Variants in CASQ2 observed in about 807,000 individuals in gnomAD.
The protein encoded by CASQ2 is calsequestrin-2.
A neutral mutation model predicts 46.5 loss-of-function variants in CASQ2; 49 were observed. That is an observed-to-expected ratio of 1.05 (90% CI 0.84 to 1.34). CASQ2 has a LOEUF of 1.34. Among genes scored for constraint, CASQ2 ranks in the 40% most tolerant of loss-of-function variants. The pLI is 0.00. For missense variants in CASQ2, 486 were observed against 481.3 expected, an observed-to-expected ratio of 1.01 and a Z score of -0.09; for synonymous variants, 174 against 168.5, an observed-to-expected ratio of 1.03 and a Z score of -0.25.
In CASQ2 at chr1:115,750,005, T is replaced by C. The variant is rs190730982; in HGVS notation, c.235-5093A>G. On this transcript the variant is annotated intron_variant, in intron 1 of 10. Transcript: ENST00000261448. ...TTAGAGTTGTGTATAGTCTCTACAT[T>C]GTGACTCTTTCCTCCATAAGAAGAA... Among the ~76,000 whole-genome samples the C allele has an allele frequency of 1.2e-4, 19 of 152,324 alleles. No homozygotes were observed. In the East Asian group the frequency reaches 3.7e-3, roughly 29 times the overall value.
Position 115,738,288 on chromosome 1 carries a change from T to C in CASQ2, c.468A>G (p.Gln156=). ...VEIISSKLEV[Q]AFERIEDYIK... ...TGTAGTCTTCAATGCGTTCGAAGGC[T>C]TGGACTTCCAGTTTGCTGCTGATGA... is the stretch of plus-strand genomic sequence containing the variant. Residue 156 remains glutamine (Q), a synonymous_variant, in exon 4 of 11, where the codon CAA becomes CAG. Coordinates refer to ENST00000261448, the MANE Select transcript of CASQ2 (RefSeq NM_001232.4). 1.2e-6 allele frequency: 2 copies of C among 1,614,026 alleles called. No homozygotes were observed. The highest frequency in any genetic ancestry group is 1.7e-6 in the Non-Finnish European group (2 of 1,179,832).
At chr1:115,720,311 C>T (rs1020828477) in intron 7 of CASQ2, among the ~76,000 whole-genome samples, 1 of 152,148 alleles carries the variant, frequency 6.6e-6, no homozygotes, top group Non-Finnish European at 1.5e-5. Context: ...CCTGCTGTGT[C>T]CTCACGGTGG....
intron 8 of CASQ2, among the ~76,000 whole-genome samples, chr1:115,708,172 G>A (rs779738079): frequency 2.0e-5 from 3 of 152,196 alleles, no homozygotes; most frequent in East Asian, 1.9e-4. Context: ...TTTTGTAAAC[G>A]AGTGAAGTCA....
rs1183037308 is a variant in CASQ2 at position 115,700,961 on chromosome 1, C to T, written c.*280G>A. On this transcript the variant is annotated 3_prime_UTR_variant, in exon 11 of 11. Transcript: ENST00000261448. The stretch of plus-strand genomic sequence containing the variant: ...CTGCCATGTTCAGGCACTGCCATGA[C>T]CCTTGATGGTCCAGCAAAGAACAAG... The T allele has an allele frequency of 6.5e-6, 4 of 611,872 alleles. No homozygotes were observed. Among genetic ancestry groups the T allele is most frequent in the Non-Finnish European group, 1.2e-5 (4 of 343,710 alleles). 37.9% of individuals were successfully genotyped at this position (611,872 alleles called of 1,614,324 possible). A position where few individuals can be genotyped will look rare whatever the true frequency, so the allele number is the denominator to read the frequency against.
chr1:115,708,876 G>T (rs549505162), intron 8 of CASQ2, among the ~76,000 whole-genome samples: 1 of 152,204 alleles, frequency 6.6e-6, no homozygotes, highest in South Asian at 2.1e-4. Context: ...TGTACAGCGT[G>T]GGGCAGCTCC....
intron 9 of CASQ2, 147 bp from the exon 10 acceptor site, chr1:115,703,142 C>T (rs1295391331): frequency 1.9e-5 from 13 of 698,858 alleles, no homozygotes; most frequent in African/African-American, 7.0e-5. Context: ...GAAGACTTGG[C>T]CCCAGCCTTC....
chr1:115,709,709 C>T (rs1428756994), intron 8 of CASQ2, among the ~76,000 whole-genome samples: 1 of 152,218 alleles, frequency 6.6e-6, no homozygotes, highest in Non-Finnish European at 1.5e-5. Flanking sequence ...GACCGTTTGA[C>T]CTTGCTAAAA....
intron 10 of CASQ2, among the ~76,000 whole-genome samples, chr1:115,702,332 T>G (rs891031939): frequency 6.6e-6 from 1 of 152,084 alleles, no homozygotes; most frequent in Non-Finnish European, 1.5e-5. Flanking sequence ...CCCACTTGAG[T>G]TTTATGATGG....
intron 5 of CASQ2, 102 bp from the exon 6 acceptor site, chr1:115,727,224 T>C: frequency 1.1e-6 from 1 of 891,722 alleles, no homozygotes; most frequent in Non-Finnish European, 1.8e-6. Flanking sequence ...GGCAAAGACA[T>C]AAAAACAGAT....
chr1:115,718,793 C>G lies in CASQ2; in HGVS notation c.784-899G>C, dbSNP rs140026002. On this transcript the variant is annotated intron_variant, in intron 7 of 10. Coordinates refer to ENST00000261448, the MANE Select transcript of CASQ2 (RefSeq NM_001232.4). ...CTCTACACCCTGGGCAGCAAGGACC[C>G]TATGCCTTGTGTCTCCTTTGCAATG... Among the ~76,000 whole-genome samples the G allele has an allele frequency of 5.8e-3, 887 of 152,288 alleles. 12 individuals are homozygous for G. Among genetic ancestry groups the G allele is most frequent in the African/African-American group, 0.02 (841 of 41,552 alleles).
rs376871374 is a variant in CASQ2 at position 115,740,846 on chromosome 1, G to T, written c.320-18C>A. ...ATCAAAACCTGTAAGAAACAAAGAG[G>T]CCCACAGAGAAGGTCATCCTGACGT... On this transcript the variant is annotated intron_variant, in intron 2 of 10. Coordinates refer to ENST00000261448, the MANE Select transcript of CASQ2 (RefSeq NM_001232.4). The T allele has an allele frequency of 1.3e-6, 2 of 1,529,168 alleles. No homozygotes were observed. Among genetic ancestry groups the T allele is most frequent in the Non-Finnish European group, 1.8e-6 (2 of 1,103,128 alleles). The allele number at this position is 1,529,168 out of a possible 1,614,324, so 94.7% of individuals were successfully genotyped here.
intron 1 of CASQ2, among the ~76,000 whole-genome samples, chr1:115,761,852 C>A (rs1648975768): frequency 6.6e-6 from 1 of 152,078 alleles, no homozygotes; most frequent in South Asian, 2.1e-4. Flanking sequence ...CATGAGTCAT[C>A]CTCTAAATAT....
intron 10 of CASQ2, 37 bp downstream of exon 10, chr1:115,702,883 CA>C: frequency 6.6e-7 from 1 of 1,506,484 alleles, no homozygotes; most frequent in Non-Finnish European, 9.2e-7. Context: ...CAGGGCAGGC[CA>C]AGGGTGCCTG....
chr1:115,739,921 T>A (rs183241121), intron 3 of CASQ2, among the ~76,000 whole-genome samples: 68 of 152,288 alleles, frequency 4.5e-4, no homozygotes, highest in Admixed American at 9.2e-4. Context: ...CCCTCTCAAC[T>A]TTTTTAGGGC....
At position 115,729,453 on chromosome 1, in the gene CASQ2, G is replaced by A. The variant is rs372650090; in HGVS notation, c.607-2331C>T. On this transcript the variant is annotated intron_variant, in intron 5 of 10. Transcript: ENST00000261448. The stretch of plus-strand genomic sequence containing the variant: ...TTCATTTATTCAGTAAGTATTTAGT[G>A]GGGCCTACTGAACCCAAGGCATTAT... 9.9e-5 allele frequency among the ~76,000 whole-genome samples: 15 copies of A among 152,276 alleles called. No individual in the cohort carries two copies. The East Asian group carries it at 2.9e-3, about 29-fold the overall frequency.
chr1:115,741,680 G>C (rs1193054404), intron 2 of CASQ2, among the ~76,000 whole-genome samples: 5 of 152,190 alleles, frequency 3.3e-5, no homozygotes, highest in Admixed American at 1.3e-4. Context: ...GCTGGTAGAT[G>C]CTGCAAGGAC....
At chr1:115,758,146 G>A (rs1648824281) in intron 1 of CASQ2, among the ~76,000 whole-genome samples, 1 of 152,192 alleles carries the variant, frequency 6.6e-6, no homozygotes, top group Admixed American at 6.5e-5. Context: ...CATACTGGAA[G>A]GGACATGTCA....
chr1:115,701,596 T>TA (rs1654207677), intron 10 of CASQ2, among the ~76,000 whole-genome samples, 170 bp from the exon 11 acceptor site: 1 of 152,212 alleles, frequency 6.6e-6, no homozygotes, highest in Non-Finnish European at 1.5e-5. Context: ...ATGTGTAGTA[T>TA]ACTGTTTGTG....
At chr1:115,729,377 A>G (rs1007628962) in intron 5 of CASQ2, among the ~76,000 whole-genome samples, 1 of 151,708 alleles carries the variant, frequency 6.6e-6, no homozygotes, top group Non-Finnish European at 1.5e-5. Context: ...TATTATTCCT[A>G]TCTTGGATGG....
Sources: gnomAD v4.1 joint callset for allele counts (sites outside exome capture counted in the v4.1 genomes callset) on GRCh38, gnomAD v4.1.1 for gene constraint, MANE v1.5 for transcripts, NCBI Gene and HGNC (gene_info 2026-07-23, HGNC 2026-07-21) for gene names.